The following PAICS variants were observed in gnomAD, a reference collection of about 807,000 sequenced individuals.
The protein encoded by PAICS is phosphoribosylaminoimidazole carboxylase and phosphoribosylaminoimidazolesuccinocarboxamide synthase, also known as bifunctional phosphoribosylaminoimidazole carboxylase/phosphoribosylaminoimidazole succinocarboxamide synthetase.
PAICS carries 33 observed loss-of-function variants against 53.7 expected under a neutral mutation model. That is an observed-to-expected ratio of 0.61 (90% CI 0.47 to 0.82). The LOEUF (loss-of-function observed/expected upper bound fraction) is 0.82, where lower values mean the gene tolerates loss of function less well. PAICS is among the 40% of genes least tolerant of loss of function. PAICS has a pLI of 0.00. For missense variants in PAICS, 394 were observed against 494.1 expected, an observed-to-expected ratio of 0.80 and a Z score of 1.92; for synonymous variants, 141 against 167.2, an observed-to-expected ratio of 0.84 and a Z score of 1.21.
At chr4:56,453,465 T>C (rs1719019985) in intron 7 of PAICS, 138 bp from the exon 8 acceptor site, 1 of 519,520 alleles carries the variant, frequency 1.9e-6, no homozygotes. Flanking sequence ...ATAGTATCTT[T>C]TATGTTTTTT....
At chr4:56,411,305 A>C in the PAICS span, among the ~76,000 whole-genome samples, 1 of 152,170 alleles carries the variant, frequency 6.6e-6, no homozygotes, top group African/African-American at 2.4e-5. Context: ...CCAAACAAGA[A>C]CTTTCTCCTT....
At chr4:56,449,047 A>T (rs548449098) in intron 5 of PAICS, among the ~76,000 whole-genome samples, 1 of 152,202 alleles carries the variant, frequency 6.6e-6, no homozygotes, top group African/African-American at 2.4e-5. Context: ...TATCTTAATA[A>T]CATTGTCACA....
At chr4:56,449,019 A>G (rs1252753194) in intron 5 of PAICS, among the ~76,000 whole-genome samples, 196 bp downstream of exon 5, 1 of 152,214 alleles carries the variant, frequency 6.6e-6, no homozygotes, top group East Asian at 1.9e-4. Context: ...ACATTTATAA[A>G]GCAAATTTCT....
the PAICS span, among the ~76,000 whole-genome samples, chr4:56,419,438 T>C: frequency 2.0e-5 from 3 of 152,302 alleles, no homozygotes; most frequent in South Asian, 2.1e-4. Context: ...GGCATAATAA[T>C]GGACAGATTT....
chr4:56,432,635 A>C (rs1717652606), upstream of PAICS, among the ~76,000 whole-genome samples: 1 of 151,548 alleles, frequency 6.6e-6, no homozygotes, highest in African/African-American at 2.4e-5. Flanking sequence ...AATACAAAAA[A>C]TTAGCCGGGC....
At chr4:56,422,405 C>T in the PAICS span, 2 of 151,052 alleles carry the variant, frequency 1.3e-5, no homozygotes, top group African/African-American at 4.9e-5. Context: ...AGTAATAAGT[C>T]AGAAGACATA....
intron 8 of PAICS, among the ~76,000 whole-genome samples, chr4:56,459,142 A>G (rs1020511365): frequency 6.6e-6 from 1 of 152,206 alleles, no homozygotes; most frequent in African/African-American, 2.4e-5. Context: ...GATAGATGAT[A>G]TATATAAAAT....
intron 8 of PAICS, among the ~76,000 whole-genome samples, chr4:56,457,379 C>T (rs1183940848): frequency 6.6e-6 from 1 of 152,124 alleles, no homozygotes; most frequent in Non-Finnish European, 1.5e-5. Flanking sequence ...CACCACTGCA[C>T]TCCGGATGAC....
the PAICS span, among the ~76,000 whole-genome samples, chr4:56,412,968 A>T: frequency 3.3e-5 from 5 of 151,980 alleles, no homozygotes; most frequent in South Asian, 1.0e-3. Flanking sequence ...TCTAAAATTA[A>T]ATATTACAAT....
the PAICS span, among the ~76,000 whole-genome samples, chr4:56,418,698 C>T: frequency 6.6e-6 from 1 of 152,124 alleles, no homozygotes; most frequent in African/African-American, 2.4e-5. Context: ...AGTTAATGTG[C>T]TTGTAAGTTT....
chr4:56,434,977 G>A (rs540837233), upstream of PAICS, among the ~76,000 whole-genome samples: 1 of 152,216 alleles, frequency 6.6e-6, no homozygotes, highest in Admixed American at 6.5e-5. Flanking sequence ...TATTACAGGA[G>A]CAGCCACAGG....
chr4:56,441,735 A>G lies in PAICS; in HGVS notation c.89A>G (p.Lys30Arg), dbSNP rs763085698. The G allele has an allele frequency of 1.9e-6, 3 of 1,605,692 alleles. No homozygotes were observed. The highest frequency in any genetic ancestry group is 3.4e-5 in the Admixed American group (2 of 58,872). ...TACGAATTGTTAGACAGTCCAGGAA[A>G]AGTCCTCCTGCAGTCCAAGGACCAG... Reference protein sequence around the residue: ...EVYELLDSPGKVLLQSKDQIT... With the variant: ...EVYELLDSPGRVLLQSKDQIT... The change falls in exon 2 of 9, where the codon AAA becomes AGA. Residue 30 changes from lysine to arginine, a missense_variant. By Grantham distance (26) the Lys-to-Arg change is conservative. This residue lies in a region of PAICS where 168 missense variants were observed against 199.3 expected (regional missense o/e 0.84). Transcript: ENST00000512576.
At chr4:56,440,079 G>T (rs908792316) in intron 1 of PAICS, among the ~76,000 whole-genome samples, 3 of 152,186 alleles carry the variant, frequency 2.0e-5, no homozygotes, top group African/African-American at 7.2e-5. Flanking sequence ...AAGCCTTATA[G>T]CTCTTCTTGG....
intron 2 of PAICS, among the ~76,000 whole-genome samples, chr4:56,443,389 T>C (rs905365446): frequency 3.3e-4 from 50 of 152,286 alleles, no homozygotes; most frequent in African/African-American, 1.1e-3. Context: ...GGTTTTGCCA[T>C]ATTGGCCAGG....
At position 56,461,968 on chromosome 4, in the gene PAICS, C is replaced by T. The variant is rs796724442; in HGVS notation, c.*2430C>T. 9 of 152,290 alleles carry T rather than the reference C, an allele frequency of 5.9e-5. No homozygotes were observed. The highest frequency in any genetic ancestry group is 1.9e-4 in the African/African-American group (8 of 41,558). 9.4% of individuals were successfully genotyped at this position (152,290 alleles called of 1,614,324 possible). A position where few individuals can be genotyped will look rare whatever the true frequency, so the allele number is the denominator to read the frequency against. Reference sequence around the variant, plus strand: ...TAAAAGACAAAGCACTTAGGTAAAGCTTCATTCAGTATCCATTCACCCAAT... The same window carrying T: ...TAAAAGACAAAGCACTTAGGTAAAGTTTCATTCAGTATCCATTCACCCAAT... On this transcript the variant is annotated 3_prime_UTR_variant, in exon 9 of 9. Coordinates refer to ENST00000512576, the MANE Select transcript of PAICS (RefSeq NM_001079524.2).
At chr4:56,445,791 C>T (rs1718585099) in intron 2 of PAICS, among the ~76,000 whole-genome samples, 1 of 152,078 alleles carries the variant, frequency 6.6e-6, no homozygotes, top group Admixed American at 6.5e-5. Flanking sequence ...AATAGTAATG[C>T]AGGCTGAAAA....
At chr4:56,436,404 C>G in intron 1 of PAICS, 76 bp downstream of exon 1, 1 of 1,182,342 alleles carries the variant, frequency 8.5e-7, no homozygotes, top group Non-Finnish European at 1.2e-6. Context: ...GTGCGAGCCG[C>G]GAAACTCTGT....
At chr4:56,455,220 C>T (rs912364810) in intron 8 of PAICS, among the ~76,000 whole-genome samples, 1 of 152,140 alleles carries the variant, frequency 6.6e-6, no homozygotes, top group Admixed American at 6.5e-5. Flanking sequence ...AACTGGATCA[C>T]GTAACAGTGT....
In PAICS at chr4:56,441,654, T is replaced by C; in HGVS notation, c.17-9T>C. ...TGAATTTTGGTCTATTTCCATTTTA[T>C]TTCCACAGTACTGAACATTGGTAAA... On this transcript the variant is annotated splice_polypyrimidine_tract_variant and intron_variant, in intron 1 of 8. Coordinates refer to ENST00000512576, the MANE Select transcript of PAICS (RefSeq NM_001079524.2). 1 of 1,423,516 alleles carries C rather than the reference T, an allele frequency of 7.0e-7. No individual in the cohort carries two copies. The highest frequency in any genetic ancestry group is 1.5e-5 in the South Asian group (1 of 64,854). The allele number at this position is 1,423,516 out of a possible 1,614,324, so 88.2% of individuals were successfully genotyped here.
Sources: gnomAD v4.1 joint callset for allele counts (sites outside exome capture counted in the v4.1 genomes callset) on GRCh38, gnomAD v4.1.1 for gene constraint, gnomAD v4.1.1 regional missense constraint, MANE v1.5 for transcripts, NCBI Gene and HGNC (gene_info 2026-07-23, HGNC 2026-07-21) for gene names.